The following SLC38A3 variants were observed in gnomAD, a reference collection of about 807,000 sequenced individuals.
SLC38A3 encodes the protein sodium-coupled neutral amino acid transporter 3.
In SLC38A3, 17 loss-of-function variants were observed where a neutral mutation model predicts 59.5. The observed-to-expected ratio is 0.29, with a 90% CI of 0.20 to 0.43. The LOEUF (loss-of-function observed/expected upper bound fraction) is 0.43. SLC38A3 is among the 20% of genes least tolerant of loss of function. SLC38A3 has a pLI of 1.00. For synonymous variants in SLC38A3, 238 were observed against 260.3 expected (o/e 0.91, Z 0.82); for missense variants, 454 against 653.9 (o/e 0.69, Z 3.33).
chr3:50,211,745 G>A (rs1166728873), intron 1 of SLC38A3, among the ~76,000 whole-genome samples: 2 of 151,838 alleles, frequency 1.3e-5, no homozygotes, highest in African/African-American at 4.8e-5. Context: ...TGCGCCACCA[G>A]CCCGGCTAAT....
At chr3:50,209,232 A>T (rs1031544063) in intron 1 of SLC38A3, among the ~76,000 whole-genome samples, 4 of 152,118 alleles carry the variant, frequency 2.6e-5, no homozygotes, top group Admixed American at 2.0e-4. Flanking sequence ...CCACTCGTGA[A>T]CCAAGAGCTT....
In SLC38A3 at chr3:50,214,459, C is replaced by G; in HGVS notation, c.159C>G (p.Pro53=). 6.4e-7 allele frequency: 1 copy of G among 1,571,030 alleles called. No homozygotes were observed. Among genetic ancestry groups the G allele is most frequent in the Non-Finnish European group, 8.6e-7 (1 of 1,158,292 alleles). ...MEGKSFLQKS[P]SKEPHFTDFE... ...GCAAGAGCTTCCTACAGAAAAGTCC[C>G]AGCAAGGAGCCACACTTCACTGACG... Residue 53 remains proline (P), a synonymous_variant, in exon 3 of 16, where the codon CCC becomes CCG. Transcript: ENST00000614032. This position sits in a 1 kb window ranked among gnomAD's most constrained non-coding sequence, Gnocchi z 6.0.
In SLC38A3 at chr3:50,220,111, C is replaced by T; in HGVS notation, c.1449C>T (p.Thr483=). 1 of 1,607,132 alleles carries T rather than the reference C, an allele frequency of 6.2e-7. No individual in the cohort carries two copies. Among genetic ancestry groups the T allele is most frequent in the African/African-American group, 1.3e-5 (1 of 74,934 alleles). The change falls in exon 16 of 16, where the codon ACC becomes ACT. Residue 483 remains threonine, a synonymous_variant. Coordinates refer to ENST00000614032, the MANE Select transcript of SLC38A3 (RefSeq NM_006841.6). ...CFAMLGFLLM[T]MSLSFIIIDW... The stretch of plus-strand genomic sequence containing the variant: ...CTATGCTTGGCTTCTTGCTGATGAC[C>T]ATGAGCTTGAGCTTCATCATCATTG...
At position 50,218,534 on chromosome 3, in the gene SLC38A3, G is replaced by A. The variant is rs587718910; in HGVS notation, c.1037-59G>A. ...CCACAGTGTTGGGGTCCCCTAGGCA[G>A]CTCAGATCCCACCTCCTTCCTGGGG... On this transcript the variant is annotated intron_variant, in intron 12 of 15. Coordinates refer to ENST00000614032, the MANE Select transcript of SLC38A3 (RefSeq NM_006841.6). The surrounding 1 kb of genome is among the most constrained non-coding windows in gnomAD (Gnocchi z 5.8). 4.8e-5 allele frequency: 76 copies of A among 1,595,528 alleles called. No individual in the cohort carries two copies. In the African/African-American group the frequency reaches 8.3e-4, roughly 17 times the overall value.
intron 7 of SLC38A3, among the ~76,000 whole-genome samples, chr3:50,216,523 A>C (rs983807399): frequency 1.3e-5 from 2 of 152,188 alleles, no homozygotes; most frequent in Non-Finnish European, 2.9e-5. Context: ...AACCGCAAGG[A>C]GCACAGGTTA....
rs1323249285 is a variant in SLC38A3, at chr3:50,218,225, G to A, written c.936-45G>A. On this transcript the variant is annotated intron_variant, in intron 11 of 15. Transcript: ENST00000614032. The surrounding 1 kb of genome is among the most constrained non-coding windows in gnomAD (Gnocchi z 5.8). ...TTGGGGCACATGGGGGTCTCCCAAT[G>A]TTACCCAGCTTGTCACCAACACCCA... is the stretch of plus-strand genomic sequence containing the variant. 7.2e-7 allele frequency: 1 copy of A among 1,383,594 alleles called. No individual in the cohort carries two copies. 85.7% of individuals were successfully genotyped at this position (1,383,594 alleles called of 1,614,324 possible). A position where few individuals can be genotyped will look rare whatever the true frequency, so the allele number is the denominator to read the frequency against.
In SLC38A3 at chr3:50,220,956, A is replaced by G. The variant is rs587732056; in HGVS notation, c.*779A>G. ...GTGGGGAGGCTGGCAGCCCTCTTTT[A>G]TAAATATTATACATAAGACCAGCTG... On this transcript the variant is annotated 3_prime_UTR_variant, in exon 16 of 16. Coordinates refer to ENST00000614032, the MANE Select transcript of SLC38A3 (RefSeq NM_006841.6). 1.9e-4 allele frequency: 29 copies of G among 152,562 alleles called. No individual in the cohort carries two copies. Among genetic ancestry groups the G allele is most frequent in the African/African-American group, 6.5e-4 (27 of 41,546 alleles). 9.5% of individuals were successfully genotyped at this position (152,562 alleles called of 1,614,324 possible). A position where few individuals can be genotyped will look rare whatever the true frequency, so the allele number is the denominator to read the frequency against.
chr3:50,218,284 A>T lies in SLC38A3; in HGVS notation c.950A>T (p.Lys317Met). 1.2e-6 allele frequency: 2 copies of T among 1,612,354 alleles called. No individual in the cohort carries two copies. The highest frequency in any genetic ancestry group is 1.1e-5 in the South Asian group (1 of 91,048). The change falls in exon 12 of 16, where the codon AAG (lysine) becomes ATG (methionine). Residue 317 changes from lysine (K) to methionine (M), a missense_variant. Physicochemically the swap from Lys to Met is moderately conservative, Grantham distance 95. This residue lies in a region of SLC38A3 where 390 missense variants were observed against 557.9 expected (regional missense o/e 0.70). Transcript: ENST00000614032. The surrounding 1 kb of genome is among the most constrained non-coding windows in gnomAD (Gnocchi z 5.8). Reference protein sequence around the residue: ...YTELKDPSKKKMQHISNLSIA... With the variant: ...YTELKDPSKKMMQHISNLSIA... ...CTTCCCCACAGCCCCTCCAAGAAGAAGATGCAGCACATCTCCAACCTGTCC... is the reference window on the plus strand; with the variant it reads ...CTTCCCCACAGCCCCTCCAAGAAGATGATGCAGCACATCTCCAACCTGTCC...
chr3:50,209,264 G>A (rs1324280503), intron 1 of SLC38A3, among the ~76,000 whole-genome samples: 1 of 152,212 alleles, frequency 6.6e-6, no homozygotes, highest in Non-Finnish European at 1.5e-5. Flanking sequence ...CTCTATGGGT[G>A]GCAGCCTGAG....
At position 50,220,231 on chromosome 3, in the gene SLC38A3, T is replaced by G; in HGVS notation, c.*54T>G. ...ACCCTAGCAGCCCTGCCCAGACTCT[T>G]CAGCCCCTGCTCCCATCCAGTGGCC... On this transcript the variant is annotated 3_prime_UTR_variant, in exon 16 of 16. Transcript: ENST00000614032. 7.3e-7 allele frequency: 1 copy of G among 1,376,338 alleles called. No individual in the cohort carries two copies. Among genetic ancestry groups the G allele is most frequent in the Non-Finnish European group, 1.0e-6 (1 of 991,698 alleles). 85.3% of individuals were successfully genotyped at this position (1,376,338 alleles called of 1,614,324 possible).
chr3:50,218,926 C>A lies in SLC38A3; in HGVS notation c.1284C>A (p.Ile428=), dbSNP rs1470829728. 1 of 1,612,288 alleles carries A rather than the reference C, an allele frequency of 6.2e-7. No homozygotes were observed. Among genetic ancestry groups the A allele is most frequent in the Non-Finnish European group, 8.5e-7 (1 of 1,178,474 alleles). ...INLLVIFAPN[I]LGIFGVIGAT... is the part of the protein sequence containing the mutation. ...TGCTGGTCATCTTTGCCCCCAACAT[C>A]CTGGGCATCTTTGGGGTCATCGGTG... Residue 428 remains isoleucine (I), a synonymous_variant, in exon 14 of 16, where the codon ATC becomes ATA. Coordinates refer to ENST00000614032, the MANE Select transcript of SLC38A3 (RefSeq NM_006841.6). The surrounding 1 kb of genome is among the most constrained non-coding windows in gnomAD (Gnocchi z 5.8).
At position 50,214,126 on chromosome 3, in the gene SLC38A3, C is replaced by T. The variant is rs1162638617; in HGVS notation, c.-51-23C>T. 6.9e-7 allele frequency: 1 copy of T among 1,451,254 alleles called. No homozygotes were observed. The allele number at this position is 1,451,254 out of a possible 1,614,324, so 89.9% of individuals were successfully genotyped here. A position where few individuals can be genotyped will look rare whatever the true frequency, so the allele number is the denominator to read the frequency against. ...CGTAGGCCCAAGTAACGGGGCTAAC[C>T]AGAGGGACCGGCTGCTCTGCAGACA... On this transcript the variant is annotated intron_variant, in intron 1 of 15. Coordinates refer to ENST00000614032, the MANE Select transcript of SLC38A3 (RefSeq NM_006841.6). The surrounding 1 kb of genome is among the most constrained non-coding windows in gnomAD (Gnocchi z 6.0).
intron 1 of SLC38A3, among the ~76,000 whole-genome samples, chr3:50,211,159 C>A (rs1699720914): frequency 6.6e-6 from 1 of 152,220 alleles, no homozygotes; most frequent in Non-Finnish European, 1.5e-5. Context: ...GGAGCCCTTC[C>A]CTGAGTTTAC....
Position 50,214,345 on chromosome 3 carries a change from C to A in SLC38A3, c.101+45C>A. 1 of 1,608,016 alleles carries A rather than the reference C, an allele frequency of 6.2e-7. No homozygotes were observed. Among genetic ancestry groups the A allele is most frequent in the Non-Finnish European group, 8.5e-7 (1 of 1,175,912 alleles). On this transcript the variant is annotated intron_variant, in intron 2 of 15. Transcript: ENST00000614032. This position sits in a 1 kb window ranked among gnomAD's most constrained non-coding sequence, Gnocchi z 6.0. ...AGTGGTGGCTGAAGACAGGGCAGGG[C>A]AGGGATACAGAGCAAAGGGCTGGAG...
intron 7 of SLC38A3, among the ~76,000 whole-genome samples, chr3:50,216,452 G>T (rs1025850690): frequency 6.6e-6 from 1 of 152,206 alleles, no homozygotes; most frequent in Non-Finnish European, 1.5e-5. Context: ...TCTGTGCCCC[G>T]TATCCATTCC....
In SLC38A3 at chr3:50,208,356, A is replaced by C. The variant is rs1699673926; in HGVS notation, c.-52+3008A>C. On this transcript the variant is annotated intron_variant, in intron 1 of 15. Coordinates refer to ENST00000614032, the MANE Select transcript of SLC38A3 (RefSeq NM_006841.6). ...TGGTTCACTGTAGCCTCTGCCTCCC[A>C]GGTTCAAGCAGTTCTCCTGCCTCAG... Among the ~76,000 whole-genome samples the C allele has an allele frequency of 2.0e-5, 3 of 148,066 alleles. No individual in the cohort carries two copies. The South Asian group carries it at 6.4e-4, about 31-fold the overall frequency.
chr3:50,218,017 G>A lies in SLC38A3; in HGVS notation c.935+21G>A. The A allele has an allele frequency of 3.7e-6, 6 of 1,611,314 alleles. No homozygotes were observed. Among genetic ancestry groups the A allele is most frequent in the East Asian group, 2.2e-5 (1 of 44,858 alleles). On this transcript the variant is annotated intron_variant, in intron 11 of 15. Transcript: ENST00000614032. The surrounding 1 kb of genome is among the most constrained non-coding windows in gnomAD (Gnocchi z 5.8). ...AAGGAGTAGGTGTCTGTGGCTGGGA[G>A]TGGGGGTGGGGATGCCCTGAGCTGG...
intron 1 of SLC38A3, among the ~76,000 whole-genome samples, chr3:50,212,782 C>G (rs9847853): frequency 6.6e-6 from 1 of 152,162 alleles, no homozygotes; most frequent in African/African-American, 2.4e-5. Flanking sequence ...CTGAGTGCTA[C>G]GTTTGAGTTC....
At chr3:50,211,178 C>A (rs936841456) in intron 1 of SLC38A3, among the ~76,000 whole-genome samples, 1 of 152,308 alleles carries the variant, frequency 6.6e-6, no homozygotes, top group Non-Finnish European at 1.5e-5. Flanking sequence ...ACCCCGATTC[C>A]GATTCCCGGA....
Sources: gnomAD v4.1 joint callset for allele counts (sites outside exome capture counted in the v4.1 genomes callset) on GRCh38, gnomAD v4.1.1 for gene constraint, gnomAD v4.1.1 regional missense constraint, Gnocchi (gnomAD v3.1) non-coding constraint, MANE v1.5 for transcripts, NCBI Gene and HGNC (gene_info 2026-07-23, HGNC 2026-07-21) for gene names.